NSUN3: variants seen among roughly 807,000 people sequenced by gnomAD.
The protein encoded by NSUN3 is NOP2/Sun RNA methyltransferase 3.
NSUN3 carries 24 observed loss-of-function variants against 36.8 expected under a neutral mutation model. That is an observed-to-expected ratio of 0.65 (90% CI 0.47 to 0.92). The LOEUF (loss-of-function observed/expected upper bound fraction) is 0.92, where lower values mean the gene tolerates loss of function less well. Ranked by LOEUF, NSUN3 falls within the 40% of genes least tolerant of loss-of-function variation. The probability of loss-of-function intolerance (pLI) is 0.00; values close to 1 mark genes in which losing one functional copy is unlikely to be tolerated. For missense variants in NSUN3, 381 were observed against 392.8 expected, an observed-to-expected ratio of 0.97 and a Z score of 0.25; for synonymous variants, 146 against 145.2, an observed-to-expected ratio of 1.01 and a Z score of -0.04.
chr3:94,096,194 A>G (rs1426157671), intron 5 of NSUN3, among the ~76,000 whole-genome samples: 2 of 152,204 alleles, frequency 1.3e-5, no homozygotes, highest in Non-Finnish European at 2.9e-5. Flanking sequence ...CAATAAACAT[A>G]TACCATTACC....
At chr3:94,078,796 C>T (rs982268476) in intron 2 of NSUN3, among the ~76,000 whole-genome samples, 2 of 152,208 alleles carry the variant, frequency 1.3e-5, no homozygotes, top group African/African-American at 4.8e-5. Flanking sequence ...GCAAATATTC[C>T]TCCATCCCTT....
At chr3:94,098,309 A>C (rs1003400594) in intron 5 of NSUN3, among the ~76,000 whole-genome samples, 1 of 152,096 alleles carries the variant, frequency 6.6e-6, no homozygotes, top group Admixed American at 6.6e-5. Context: ...TTGTCACCTA[A>C]ATGATTTTAA....
rs145235131 is a variant in NSUN3, at chr3:94,128,581, G to GTGTA, written c.*2093_*2096dup. ...TGTGTGTGTGTGTGTGTGTGTGTGT[G>GTGTA]TGTATATATATATATATATATAATT... is the stretch of plus-strand genomic sequence containing the variant. On this transcript the variant is annotated 3_prime_UTR_variant, in exon 6 of 6. Coordinates refer to ENST00000314622, the MANE Select transcript of NSUN3 (RefSeq NM_022072.5). 1 of 145,512 alleles carries GTGTA rather than the reference G, an allele frequency of 6.9e-6. No individual in the cohort carries two copies. The highest frequency in any genetic ancestry group is 1.5e-5 in the Non-Finnish European group (1 of 66,588). 9.0% of individuals were successfully genotyped at this position (145,512 alleles called of 1,614,324 possible).
intron 5 of NSUN3, among the ~76,000 whole-genome samples, chr3:94,110,768 G>A (rs955869009): frequency 1.6e-3 from 221 of 139,268 alleles, no homozygotes; most frequent in South Asian, 3.4e-3. Flanking sequence ...ACACACACAC[G>A]CATATATATA....
At chr3:94,094,480 G>C (rs150377869) in intron 4 of NSUN3, among the ~76,000 whole-genome samples, 186 bp downstream of exon 4, 4 of 152,362 alleles carry the variant, frequency 2.6e-5, no homozygotes, top group African/African-American at 9.6e-5. Flanking sequence ...TTCAAAGGAA[G>C]CAGTAACATT....
At chr3:94,076,703 T>A in intron 2 of NSUN3, 1 of 1,283,344 alleles carries the variant, frequency 7.8e-7, no homozygotes, top group South Asian at 1.2e-5. Flanking sequence ...TGGTTTAGGA[T>A]GTTTTGTATA....
intron 2 of NSUN3, among the ~76,000 whole-genome samples, chr3:94,071,586 T>C (rs1394824190): frequency 6.6e-6 from 1 of 152,156 alleles, no homozygotes. Flanking sequence ...CCTTTAAACA[T>C]ATGGTGAGAT....
chr3:94,078,243 T>C (rs955106809), intron 2 of NSUN3, among the ~76,000 whole-genome samples: 6 of 152,158 alleles, frequency 3.9e-5, no homozygotes, highest in Non-Finnish European at 8.8e-5. Context: ...TGTGTAGTTG[T>C]GCGGTTTTGA....
chr3:94,114,376 C>G (rs1449781030), intron 5 of NSUN3, among the ~76,000 whole-genome samples: 1 of 152,094 alleles, frequency 6.6e-6, no homozygotes, highest in Non-Finnish European at 1.5e-5. Flanking sequence ...TTTGATAAAT[C>G]TTGTCAGACT....
intron 5 of NSUN3, among the ~76,000 whole-genome samples, chr3:94,123,722 C>G (rs1373724216): frequency 6.6e-6 from 1 of 152,090 alleles, no homozygotes; most frequent in Non-Finnish European, 1.5e-5. Flanking sequence ...TTGAACATGC[C>G]TCAAGGTCTT....
At chr3:94,078,979 G>A (rs2077257480) in intron 2 of NSUN3, among the ~76,000 whole-genome samples, 1 of 152,122 alleles carries the variant, frequency 6.6e-6, no homozygotes, top group South Asian at 2.1e-4. Flanking sequence ...TATGATGCTA[G>A]CTGTTTATTT....
intron 5 of NSUN3, among the ~76,000 whole-genome samples, chr3:94,116,091 T>G (rs1196678571): frequency 6.6e-6 from 1 of 152,232 alleles, no homozygotes; most frequent in Non-Finnish European, 1.5e-5. Context: ...CTTTAAGGTA[T>G]TTAAGTCAAG....
At chr3:94,094,416 G>C (rs2077328985) in intron 4 of NSUN3, 122 bp downstream of exon 4, 3 of 931,070 alleles carry the variant, frequency 3.2e-6, no homozygotes, top group Non-Finnish European at 4.7e-6. Context: ...CAGTACCCTG[G>C]AAAATTTTGA....
intron 5 of NSUN3, among the ~76,000 whole-genome samples, chr3:94,105,224 C>G (rs562980279): frequency 6.6e-6 from 1 of 152,112 alleles, no homozygotes; most frequent in South Asian, 2.1e-4. Flanking sequence ...TTGCCTCCCC[C>G]GAATCTTCTT....
At chr3:94,098,409 A>C (rs2077352058) in intron 5 of NSUN3, among the ~76,000 whole-genome samples, 1 of 152,026 alleles carries the variant, frequency 6.6e-6, no homozygotes, top group Non-Finnish European at 1.5e-5. Context: ...CCGAAATGAA[A>C]ATCTCGTGTC....
rs1428673874 is a variant in NSUN3 at position 94,094,270 on chromosome 3, T to C, written c.597T>C (p.Asp199=). The change falls in exon 4 of 6, where the codon GAT becomes GAC. Residue 199 remains aspartate, a synonymous_variant. Transcript: ENST00000314622. ...AATTGGATGGCAGAAAAATGGGAGA[T>C]GCCCAGCCTGAAATGTTTGACAAGG... ...VSELDGRKMG[D]AQPEMFDKVL... 3 of 1,612,352 alleles carry C rather than the reference T, an allele frequency of 1.9e-6. No individual in the cohort carries two copies. Among genetic ancestry groups the C allele is most frequent in the Admixed American group, 1.7e-5 (1 of 59,520 alleles).
intron 5 of NSUN3, among the ~76,000 whole-genome samples, chr3:94,100,253 T>C (rs1219980871): frequency 2.0e-5 from 3 of 152,192 alleles, no homozygotes; most frequent in African/African-American, 7.2e-5. Flanking sequence ...TTGACAGATA[T>C]GGTGCTCAAA....
intron 2 of NSUN3, chr3:94,076,602 A>G: frequency 1.1e-6 from 1 of 889,828 alleles, no homozygotes; most frequent in Non-Finnish European, 1.9e-6. Context: ...GCACTAAGTA[A>G]GTGCCCACTG....
chr3:94,071,091 T>G (rs1266452430), intron 2 of NSUN3, among the ~76,000 whole-genome samples: 1 of 152,230 alleles, frequency 6.6e-6, no homozygotes. Context: ...CTGATTTTAT[T>G]ATAGTAAGAA....
Sources: gnomAD v4.1 joint callset for allele counts (sites outside exome capture counted in the v4.1 genomes callset) on GRCh38, gnomAD v4.1.1 for gene constraint, MANE v1.5 for transcripts, NCBI Gene and HGNC (gene_info 2026-07-23, HGNC 2026-07-21) for gene names.